The following PLGRKT variants were observed in gnomAD, a reference collection of about 807,000 sequenced individuals.
PLGRKT encodes plasminogen receptor (KT).
Under a neutral mutation model 18.5 loss-of-function variants are expected in PLGRKT, and 22 were observed. The observed-to-expected ratio is 1.19, with a 90% CI of 0.85 to 1.70. PLGRKT has a LOEUF of 1.70. PLGRKT is among the 40% of genes most tolerant of loss of function. The probability of loss-of-function intolerance (pLI) is 0.00; values close to 1 mark genes in which losing one functional copy is unlikely to be tolerated. For synonymous variants in PLGRKT, 72 were observed against 52.8 expected (o/e 1.36, Z -1.58); for missense variants, 235 against 174.4 (o/e 1.35, Z -1.96).
At chr9:5,389,227 G>A (rs1212814822) in intron 3 of PLGRKT, among the ~76,000 whole-genome samples, 1 of 151,946 alleles carries the variant, frequency 6.6e-6, no homozygotes, top group East Asian at 1.9e-4. Context: ...AAAATAGTAA[G>A]GCTGCAGGAG....
intron 3 of PLGRKT, among the ~76,000 whole-genome samples, chr9:5,419,662 G>C (rs926169034): frequency 6.6e-6 from 1 of 152,020 alleles, no homozygotes; most frequent in Non-Finnish European, 1.5e-5. Context: ...ACCAGAATGA[G>C]ATATATTTCA....
At chr9:5,362,213 A>G (rs2131057655) in intron 3 of PLGRKT, among the ~76,000 whole-genome samples, 1 of 152,350 alleles carries the variant, frequency 6.6e-6, no homozygotes, top group Admixed American at 6.5e-5. Flanking sequence ...GGAAAGATCT[A>G]TGGGTCTTTA....
intron 3 of PLGRKT, among the ~76,000 whole-genome samples, chr9:5,429,624 TTTC>T (rs1818775641): frequency 6.6e-6 from 1 of 152,190 alleles, no homozygotes; most frequent in East Asian, 1.9e-4. Flanking sequence ...TGTATCCAAA[TTTC>T]TTCTTCTCAT....
rs113316019 is a variant in PLGRKT at position 5,377,905 on chromosome 9, G to C, written c.82-16017C>G. 1.8e-3 allele frequency among the ~76,000 whole-genome samples: 278 copies of C among 152,246 alleles called. 1 individual carries two copies. The highest frequency in any genetic ancestry group is 6.0e-3 in the African/African-American group (250 of 41,564). On this transcript the variant is annotated intron_variant, in intron 3 of 5. Transcript: ENST00000223864. ...CTGCACTTCGACAGCAGACAAGAAAGAAAGAAAAAATAGAAGGCAGTACCA... is the reference window on the plus strand; with the variant it reads ...CTGCACTTCGACAGCAGACAAGAAACAAAGAAAAAATAGAAGGCAGTACCA...
intron 3 of PLGRKT, among the ~76,000 whole-genome samples, chr9:5,396,106 C>T (rs1022583319): frequency 2.0e-5 from 3 of 151,434 alleles, no homozygotes; most frequent in Admixed American, 2.0e-4. Flanking sequence ...GTGGGCCAGG[C>T]TGGTCTCGAA....
intron 3 of PLGRKT, among the ~76,000 whole-genome samples, chr9:5,368,422 T>C (rs1817442726): frequency 6.6e-6 from 1 of 152,122 alleles, no homozygotes; most frequent in Non-Finnish European, 1.5e-5. Flanking sequence ...TTAAATCATA[T>C]CCTTTGCAGC....
intron 5 of PLGRKT, among the ~76,000 whole-genome samples, chr9:5,359,440 T>A (rs1184702836): frequency 1.3e-5 from 2 of 152,154 alleles, no homozygotes; most frequent in African/African-American, 4.8e-5. Flanking sequence ...TCTGCAAATG[T>A]CTTATTTTTT....
chr9:5,392,886 G>C (rs887919651), intron 3 of PLGRKT, among the ~76,000 whole-genome samples: 3 of 151,516 alleles, frequency 2.0e-5, no homozygotes, highest in Non-Finnish European at 1.5e-5. Context: ...CTGTTGCCCA[G>C]GCTGGAGTGC....
At chr9:5,380,638 T>A (rs1480478068) in intron 3 of PLGRKT, among the ~76,000 whole-genome samples, 1 of 152,212 alleles carries the variant, frequency 6.6e-6, no homozygotes, top group Non-Finnish European at 1.5e-5. Context: ...ATATACTATA[T>A]AATTCACTTT....
intron 3 of PLGRKT, among the ~76,000 whole-genome samples, chr9:5,368,357 G>GA: frequency 6.6e-6 from 1 of 152,234 alleles, no homozygotes; most frequent in South Asian, 2.1e-4. Flanking sequence ...GTGGATTGGC[G>GA]AAAGAAAACG....
chr9:5,386,489 G>T (rs7862525), intron 3 of PLGRKT, among the ~76,000 whole-genome samples: 2,945 of 151,780 alleles, frequency 0.019, 152 homozygotes, highest in African/African-American at 0.066. Context: ...ATATGCAGTG[G>T]ACCCCCACAC....
chr9:5,362,004 C>CA, intron 3 of PLGRKT, 116 bp from the exon 4 acceptor site: 3 of 1,019,976 alleles, frequency 2.9e-6, no homozygotes, highest in South Asian at 2.9e-5. Context: ...CATGTTTTTT[C>CA]AAAAAAATCT....
At chr9:5,401,953 T>A (rs899066756) in intron 3 of PLGRKT, among the ~76,000 whole-genome samples, 2 of 151,662 alleles carry the variant, frequency 1.3e-5, no homozygotes, top group African/African-American at 4.9e-5. Context: ...ATGTTTAGTG[T>A]GGATTTTTTT....
intron 3 of PLGRKT, among the ~76,000 whole-genome samples, chr9:5,395,567 A>G (rs549270335): frequency 2.0e-4 from 31 of 152,078 alleles, no homozygotes; most frequent in South Asian, 4.1e-4. Flanking sequence ...AGAAAGTAAT[A>G]TAAGAGCAGG....
chr9:5,368,131 T>C (rs576751252), intron 3 of PLGRKT, among the ~76,000 whole-genome samples: 1 of 152,118 alleles, frequency 6.6e-6, no homozygotes, highest in African/African-American at 2.4e-5. Flanking sequence ...ACACTGTTGG[T>C]GGGAATGTAA....
At chr9:5,395,771 T>C (rs1221035076) in intron 3 of PLGRKT, among the ~76,000 whole-genome samples, 2 of 151,228 alleles carry the variant, frequency 1.3e-5, no homozygotes, top group Non-Finnish European at 2.9e-5. Flanking sequence ...CTAATTTGCA[T>C]AGTTTTCATT....
At chr9:5,377,838 G>C (rs1403834210) in intron 3 of PLGRKT, among the ~76,000 whole-genome samples, 1 of 152,174 alleles carries the variant, frequency 6.6e-6, no homozygotes, top group Admixed American at 6.5e-5. Flanking sequence ...TTTTATTCTA[G>C]GGGATGGGGT....
At chr9:5,388,799 G>C (rs1817892955) in intron 3 of PLGRKT, among the ~76,000 whole-genome samples, 3 of 151,954 alleles carry the variant, frequency 2.0e-5, no homozygotes, top group East Asian at 3.8e-4. Flanking sequence ...CTACAAAGTG[G>C]GAATAATAAA....
intron 3 of PLGRKT, among the ~76,000 whole-genome samples, chr9:5,390,714 C>G (rs1817935015): frequency 6.6e-6 from 1 of 151,826 alleles, no homozygotes; most frequent in Non-Finnish European, 1.5e-5. Flanking sequence ...TCACTCCTAC[C>G]TTGCAAGGCT....
Sources: allele counts gnomAD v4.1 joint callset (sites outside exome capture counted in the v4.1 genomes callset), GRCh38; gene constraint gnomAD v4.1.1; transcripts MANE v1.5; gene names NCBI Gene and HGNC (gene_info 2026-07-23, HGNC 2026-07-21).